Variants in TPO observed in about 807,000 individuals in gnomAD.
TPO encodes the protein thyroid peroxidase.
Under a neutral mutation model 96.9 loss-of-function variants are expected in TPO, and 78 were observed. That is an observed-to-expected ratio of 0.81 (90% CI 0.67 to 0.97). TPO has a LOEUF of 0.97. Ranked by LOEUF, TPO falls within the 50% of genes least tolerant of loss-of-function variation. The pLI, the probability that TPO is intolerant of heterozygous loss-of-function variation, is 0.00. For synonymous variants in TPO, 547 were observed against 538.0 expected (o/e 1.02, Z -0.23); for missense variants, 1,252 against 1,274.8 (o/e 0.98, Z 0.27).
At chr2:1,528,253 G>A (rs1380442935) in intron 15 of TPO, among the ~76,000 whole-genome samples, 1 of 66,280 alleles carries the variant, frequency 1.5e-5, no homozygotes, top group East Asian at 5.3e-4. Flanking sequence ...TCCCCCCAAT[G>A]TAGGCAACCC....
At chr2:1,505,739 C>A (rs1673378698) in intron 14 of TPO, among the ~76,000 whole-genome samples, 2 of 151,972 alleles carry the variant, frequency 1.3e-5, no homozygotes, top group African/African-American at 4.8e-5. Flanking sequence ...CCTCATCCTC[C>A]ACCCCTCAAC....
At position 1,514,654 on chromosome 2, in the gene TPO, C is replaced by G. The variant is rs117814042; in HGVS notation, c.2519-2229C>G. Among the ~76,000 whole-genome samples the G allele has an allele frequency of 8.7e-4, 132 of 152,318 alleles. 1 individual carries two copies. The East Asian group carries it at 0.019, about 22-fold the overall frequency. On this transcript the variant is annotated intron_variant, in intron 14 of 16. Coordinates refer to ENST00000329066, the MANE Select transcript of TPO (RefSeq NM_001206744.2). Reference sequence around the variant, plus strand: ...GCAGCCGTGACCTTTGTGATGCCCCCGTAGGACATGCAGGGGCTTCAGGAC... The same window carrying G: ...GCAGCCGTGACCTTTGTGATGCCCCGGTAGGACATGCAGGGGCTTCAGGAC...
chr2:1,485,095 C>T (rs542181867), intron 9 of TPO, among the ~76,000 whole-genome samples: 6 of 151,708 alleles, frequency 4.0e-5, no homozygotes, highest in South Asian at 4.2e-4. Context: ...TGATGATCCC[C>T]GCCCTGTGTC....
Position 1,543,229 on chromosome 2 carries a change from A to T in TPO, c.*755A>T, listed in dbSNP as rs1261151921. The T allele has an allele frequency of 2.6e-5, 4 of 152,336 alleles. No homozygotes were observed. Among genetic ancestry groups the T allele is most frequent in the African/African-American group, 9.7e-5 (4 of 41,410 alleles). 9.4% of individuals were successfully genotyped at this position (152,336 alleles called of 1,614,324 possible). ...GCGACCCTGTAAAGCTGCCGTCCTCATTTCACATGTGAAGCAGCTGAATTC... is the reference window on the plus strand; with the variant it reads ...GCGACCCTGTAAAGCTGCCGTCCTCTTTTCACATGTGAAGCAGCTGAATTC... On this transcript the variant is annotated 3_prime_UTR_variant, in exon 17 of 17. Coordinates refer to ENST00000329066, the MANE Select transcript of TPO (RefSeq NM_001206744.2).
chr2:1,408,119 C>T (rs2148384938), intron 1 of TPO, among the ~76,000 whole-genome samples: 1 of 152,318 alleles, frequency 6.6e-6, no homozygotes, highest in African/African-American at 2.4e-5. Flanking sequence ...TGCTCTTTTG[C>T]CAAATCATGG....
chr2:1,477,447 ACGG>A lies in TPO; in HGVS notation c.1183_1185del (p.Gly395del), dbSNP rs1670077801. On this transcript the variant is annotated inframe_deletion, in exon 8 of 17. Transcript: ENST00000329066. ...CGCGGGCCCTGCTTCCTGGCCGGAG[ACGG>A]CCGCGCCAGCGAGGTCCCCTCCCTG... 1 of 1,523,338 alleles carries A rather than the reference ACGG, an allele frequency of 6.6e-7. No individual in the cohort carries two copies. Among genetic ancestry groups the A allele is most frequent in the African/African-American group, 1.4e-5 (1 of 70,778 alleles). 94.4% of individuals were successfully genotyped at this position (1,523,338 alleles called of 1,614,324 possible). A position where few individuals can be genotyped will look rare whatever the true frequency, so the allele number is the denominator to read the frequency against.
intron 5 of TPO, among the ~76,000 whole-genome samples, chr2:1,451,802 A>AT (rs28909397): frequency 0.072 from 10,927 of 152,164 alleles, 661 homozygotes; most frequent in African/African-American, 0.16. Flanking sequence ...AAAAATTTCT[A>AT]TTTTTTTCTC....
intron 1 of TPO, among the ~76,000 whole-genome samples, chr2:1,399,274 G>A (rs540270646): frequency 6.6e-6 from 1 of 152,322 alleles, no homozygotes. Context: ...TGCATTTTCT[G>A]CGCGGAGCTT....
At chr2:1,455,343 A>C (rs890405591) in intron 6 of TPO, among the ~76,000 whole-genome samples, 7 of 152,110 alleles carry the variant, frequency 4.6e-5, no homozygotes, top group African/African-American at 1.7e-4. Flanking sequence ...TCCAGTCCAC[A>C]TGCCTAACAT....
At chr2:1,422,009 C>T (rs1484966264) in intron 2 of TPO, among the ~76,000 whole-genome samples, 2 of 152,208 alleles carry the variant, frequency 1.3e-5, no homozygotes, top group Non-Finnish European at 2.9e-5. Context: ...TGCCCTTGCC[C>T]CAGGGAGCCC....
intron 2 of TPO, among the ~76,000 whole-genome samples, chr2:1,422,395 G>GACAGACCTCGTGCA (rs1163151839): frequency 4.0e-5 from 6 of 151,548 alleles, no homozygotes; most frequent in African/African-American, 4.8e-5. Context: ...CGCCGCGCTG[G>GACAGACCTCGTGCA]GCCATGGGGA....
chr2:1,451,511 G>T (rs1667298766), intron 5 of TPO, among the ~76,000 whole-genome samples: 2 of 152,072 alleles, frequency 1.3e-5, no homozygotes, highest in African/African-American at 4.8e-5. Flanking sequence ...CAGATACATG[G>T]GAGGATTTTC....
intron 15 of TPO, among the ~76,000 whole-genome samples, chr2:1,532,935 C>G (rs568151798): frequency 0.022 from 2,507 of 114,268 alleles, no homozygotes; most frequent in Non-Finnish European, 0.033. Context: ...ATCTCCCCCA[C>G]TATGTGCAAC....
At chr2:1,542,161 C>G (rs1383137849) in intron 16 of TPO, 2 of 584,834 alleles carry the variant, frequency 3.4e-6, no homozygotes, top group Non-Finnish European at 6.1e-6. Flanking sequence ...CCTGAAGGAC[C>G]CTGCCTGCGG....
chr2:1,543,501 T>C lies in TPO; in HGVS notation c.*1027T>C, dbSNP rs536639540. 6.6e-6 allele frequency: 1 copy of C among 152,314 alleles called. No individual in the cohort carries two copies. The highest frequency in any genetic ancestry group is 1.9e-4 in the East Asian group (1 of 5,172). 9.4% of individuals were successfully genotyped at this position (152,314 alleles called of 1,614,324 possible). A position where few individuals can be genotyped will look rare whatever the true frequency, so the allele number is the denominator to read the frequency against. ...TTTGCTTCAGGATGTTTTATTTCGC[T>C]CTACTGTTATGTAGAGAAAGCATGG... is the stretch of plus-strand genomic sequence containing the variant. On this transcript the variant is annotated 3_prime_UTR_variant, in exon 17 of 17. Coordinates refer to ENST00000329066, the MANE Select transcript of TPO (RefSeq NM_001206744.2).
intron 9 of TPO, among the ~76,000 whole-genome samples, chr2:1,486,795 TAGTGGGG>T (rs3036100): frequency 0.039 from 5,991 of 152,026 alleles, 159 homozygotes; most frequent in Middle Eastern, 0.12. Context: ...GCTCCAGGCG[TAGTGGGG>T]AGTGGGGAGG....
chr2:1,480,849 A>ACCTTCCTCCTGC (rs1491437363), intron 8 of TPO, among the ~76,000 whole-genome samples: 1 of 151,286 alleles, frequency 6.6e-6, no homozygotes, highest in Non-Finnish European at 1.5e-5. Flanking sequence ...TGTCCTCACC[A>ACCTTCCTCCTGC]TACCCACTCT....
chr2:1,383,387 G>A (rs1189993536), intron 1 of TPO, among the ~76,000 whole-genome samples: 3 of 152,184 alleles, frequency 2.0e-5, no homozygotes, highest in Non-Finnish European at 4.4e-5. Flanking sequence ...TCCAGCACCT[G>A]TTGTTTCCTG....
At chr2:1,418,022 T>A in intron 2 of TPO, among the ~76,000 whole-genome samples, 1 of 152,140 alleles carries the variant, frequency 6.6e-6, no homozygotes, top group East Asian at 1.9e-4. Flanking sequence ...ATGACTCACA[T>A]CTGCAATCCC....
Sources: allele counts gnomAD v4.1 joint callset (sites outside exome capture counted in the v4.1 genomes callset), GRCh38; gene constraint gnomAD v4.1.1; transcripts MANE v1.5; gene names NCBI Gene and HGNC (gene_info 2026-07-23, HGNC 2026-07-21).